Variants in KLHL1 observed in about 807,000 individuals in gnomAD.
The protein encoded by KLHL1 is kelch-like protein 1.
In KLHL1, 47 loss-of-function variants were observed where a neutral mutation model predicts 77.7. The observed-to-expected ratio is 0.60, with a 90% CI of 0.48 to 0.77. KLHL1 has a LOEUF of 0.77. KLHL1 is among the 30% of genes least tolerant of loss of function. The pLI is 0.00. For synonymous variants in KLHL1, 360 were observed against 325.2 expected, an observed-to-expected ratio of 1.11 and a Z score of -1.15; for missense variants, 925 against 910.8, an observed-to-expected ratio of 1.02 and a Z score of -0.20.
chr13:69,981,547 CTATT>C (rs1022308977), intron 1 of KLHL1, among the ~76,000 whole-genome samples: 1 of 151,826 alleles, frequency 6.6e-6, no homozygotes, highest in Non-Finnish European at 1.5e-5. Context: ...AAAAATTTAA[CTATT>C]TGTTTGAGCC....
rs145605137 is a variant in KLHL1, at chr13:70,083,205, T to C, written c.497+23998A>G. On this transcript the variant is annotated intron_variant, in intron 1 of 10. Transcript: ENST00000377844. ...TGCTAAGCACAAAAATGAATCTCAA[T>C]AAATATTAATCAAAATTACAAATTG... is the stretch of plus-strand genomic sequence containing the variant. Among the ~76,000 whole-genome samples the C allele has an allele frequency of 1.4e-3, 220 of 152,258 alleles. 1 individual carries two copies. Among genetic ancestry groups the C allele is most frequent in the Non-Finnish European group, 1.1e-3 (76 of 68,006 alleles).
chr13:69,766,013 T>A (rs1875284838), intron 7 of KLHL1, among the ~76,000 whole-genome samples: 1 of 152,212 alleles, frequency 6.6e-6, no homozygotes, highest in Non-Finnish European at 1.5e-5. Context: ...CTTCTTTGCT[T>A]TTGTAGATGA....
chr13:69,794,241 G>A (rs963836878), intron 7 of KLHL1, among the ~76,000 whole-genome samples: 1 of 152,154 alleles, frequency 6.6e-6, no homozygotes, highest in Non-Finnish European at 1.5e-5. Flanking sequence ...AGCGAAGTCA[G>A]CTTACAGGCT....
At chr13:69,983,388 A>C (rs1884768862) in intron 1 of KLHL1, among the ~76,000 whole-genome samples, 1 of 152,022 alleles carries the variant, frequency 6.6e-6, no homozygotes, top group African/African-American at 2.4e-5. Flanking sequence ...GATCCCAAAT[A>C]TCTAAAGCCA....
chr13:69,746,902 T>A (rs543066041), intron 7 of KLHL1, among the ~76,000 whole-genome samples: 1 of 152,176 alleles, frequency 6.6e-6, no homozygotes, highest in Non-Finnish European at 1.5e-5. Flanking sequence ...AGGGTCTTGA[T>A]GCATTTGTGT....
chr13:69,811,561 C>G (rs1374968579), intron 6 of KLHL1, among the ~76,000 whole-genome samples: 1 of 152,064 alleles, frequency 6.6e-6, no homozygotes, highest in East Asian at 1.9e-4. Context: ...CTTCCTAAAA[C>G]CTGGAACAAG....
intron 5 of KLHL1, among the ~76,000 whole-genome samples, chr13:69,871,726 C>CTT (rs76951131): frequency 0.024 from 3,405 of 141,962 alleles, 92 homozygotes; most frequent in African/African-American, 0.062. Context: ...ATTCGGCCAA[C>CTT]TTTTTTTTTT....
At chr13:69,868,714 GAT>G (rs1880465496) in intron 5 of KLHL1, among the ~76,000 whole-genome samples, 1 of 151,730 alleles carries the variant, frequency 6.6e-6, no homozygotes, top group African/African-American at 2.4e-5. Flanking sequence ...AATGTCAAAA[GAT>G]AATTTTTTTT....
At chr13:69,983,589 A>AAAAAAAAAAG (rs1216543322) in intron 1 of KLHL1, among the ~76,000 whole-genome samples, 6 of 132,166 alleles carry the variant, frequency 4.5e-5, no homozygotes, top group African/African-American at 2.2e-4. Context: ...AAAAAAAAAA[A>AAAAAAAAAAG]AAGAAGAAGA....
chr13:70,021,558 C>T (rs2875585), intron 1 of KLHL1, among the ~76,000 whole-genome samples: 128,712 of 151,558 alleles, frequency 0.85, 55,009 homozygotes, highest in East Asian at 0.92. Context: ...TCATGGCAAA[C>T]GTATATCTAG....
At chr13:69,942,700 C>T (rs1279087947) in intron 3 of KLHL1, among the ~76,000 whole-genome samples, 1 of 152,088 alleles carries the variant, frequency 6.6e-6, no homozygotes, top group East Asian at 1.9e-4. Context: ...TATGTTGTAG[C>T]TGCAAAATTA....
chr13:69,915,303 G>T (rs1882388854), intron 4 of KLHL1, among the ~76,000 whole-genome samples: 1 of 152,098 alleles, frequency 6.6e-6, no homozygotes, highest in Admixed American at 6.5e-5. Context: ...TAAGCCAAAA[G>T]AACAAAGCTG....
chr13:69,719,265 G>T, intron 9 of KLHL1, 104 bp downstream of exon 9: 2 of 877,808 alleles, frequency 2.3e-6, no homozygotes, highest in Non-Finnish European at 3.7e-6. Context: ...TCTAGGTGTT[G>T]AATTTACCCT....
intron 1 of KLHL1, among the ~76,000 whole-genome samples, chr13:69,981,843 G>A (rs1318447526): frequency 4.6e-5 from 7 of 151,484 alleles, no homozygotes; most frequent in African/African-American, 1.5e-4. Flanking sequence ...CCAAAAGAAT[G>A]CAAATGTGAC....
intron 3 of KLHL1, among the ~76,000 whole-genome samples, chr13:69,952,329 T>A (rs1883735086): frequency 6.6e-6 from 1 of 151,460 alleles, no homozygotes; most frequent in Non-Finnish European, 1.5e-5. Flanking sequence ...AATAAACTTA[T>A]ATTTTAGACA....
At chr13:69,774,576 A>G (rs1304455486) in intron 7 of KLHL1, among the ~76,000 whole-genome samples, 1 of 152,072 alleles carries the variant, frequency 6.6e-6, no homozygotes, top group Non-Finnish European at 1.5e-5. Context: ...GTGTGAATCT[A>G]AATGATTAAA....
chr13:69,878,903 A>G (rs1469960099), intron 5 of KLHL1, among the ~76,000 whole-genome samples: 1 of 152,192 alleles, frequency 6.6e-6, no homozygotes, highest in Non-Finnish European at 1.5e-5. Flanking sequence ...CATACACACC[A>G]TGGAATACTA....
chr13:69,903,957 T>A (rs991365917), intron 4 of KLHL1, among the ~76,000 whole-genome samples: 1 of 150,726 alleles, frequency 6.6e-6, no homozygotes, highest in African/African-American at 2.4e-5. Context: ...ACTTGATATA[T>A]TTTTTTTTAT....
chr13:69,975,655 G>T lies in KLHL1; in HGVS notation c.645C>A (p.Ile215=). The T allele has an allele frequency of 6.2e-7, 1 of 1,613,482 alleles. No individual in the cohort carries two copies. The highest frequency in any genetic ancestry group is 8.5e-7 in the Non-Finnish European group (1 of 1,179,680). ...YLKQQQLCDV[I]LIVGNRKIPA... is the part of the protein sequence containing the mutation. ...GTATCTTTCGGTTCCCAACAATCAG[G>T]ATAACATCACAAAGTTGCTGCTGCT... Residue 215 remains isoleucine (I), a synonymous_variant, in exon 2 of 11, where the codon ATC becomes ATA. Coordinates refer to ENST00000377844, the MANE Select transcript of KLHL1 (RefSeq NM_020866.3).
Sources: gnomAD v4.1 joint callset for allele counts (sites outside exome capture counted in the v4.1 genomes callset) on GRCh38, gnomAD v4.1.1 for gene constraint, MANE v1.5 for transcripts, NCBI Gene and HGNC (gene_info 2026-07-23, HGNC 2026-07-21) for gene names.